Variants in CFAP221 observed in about 807,000 individuals in gnomAD.
The protein encoded by CFAP221 is cilia- and flagella-associated protein 221.
Under a neutral mutation model 113.1 loss-of-function variants are expected in CFAP221, and 97 were observed. The ratio of observed to expected loss-of-function variants is 0.86; its 90% CI spans 0.73 to 1.02. The LOEUF is 1.02. Ranked by LOEUF, CFAP221 falls within the 50% of genes least tolerant of loss-of-function variation. CFAP221 has a pLI of 0.00. For missense variants in CFAP221, 1,025 were observed against 1,013.4 expected (o/e 1.01, Z -0.16); for synonymous variants, 331 against 354.4 (o/e 0.93, Z 0.74).
intron 6 of CFAP221, among the ~76,000 whole-genome samples, chr2:119,574,466 A>C (rs1475608930): frequency 6.6e-6 from 1 of 152,220 alleles, no homozygotes; most frequent in Non-Finnish European, 1.5e-5. Flanking sequence ...AATATAACAT[A>C]GGGAATTTCA....
chr2:119,583,834 C>G (rs185439273), intron 6 of CFAP221, among the ~76,000 whole-genome samples: 2 of 152,272 alleles, frequency 1.3e-5, no homozygotes, highest in East Asian at 3.9e-4. Flanking sequence ...TTCCATTATG[C>G]GAAGACACAG....
chr2:119,657,536 G>A (rs1358530514), downstream of CFAP221, among the ~76,000 whole-genome samples: 2 of 152,152 alleles, frequency 1.3e-5, no homozygotes, highest in African/African-American at 4.8e-5. Flanking sequence ...TAAACTAAAG[G>A]AAAACTTGCA....
intron 19 of CFAP221, 184 bp downstream of exon 19, chr2:119,631,085 T>G: frequency 7.8e-7 from 1 of 1,288,228 alleles, no homozygotes; most frequent in Non-Finnish European, 9.9e-7. Flanking sequence ...ATTCCGTCTT[T>G]TAGCAATTCC....
chr2:119,551,160 G>A (rs1680393389), intron 3 of CFAP221, among the ~76,000 whole-genome samples: 2 of 152,200 alleles, frequency 1.3e-5, no homozygotes, highest in Admixed American at 1.3e-4. Flanking sequence ...ATCAGCTGAT[G>A]GATGTTGGAT....
intron 6 of CFAP221, among the ~76,000 whole-genome samples, chr2:119,567,797 T>C (rs1681755774): frequency 6.6e-6 from 1 of 152,236 alleles, no homozygotes; most frequent in African/African-American, 2.4e-5. Flanking sequence ...ATAGTTCTAT[T>C]AATATCTAGC....
intron 6 of CFAP221, among the ~76,000 whole-genome samples, chr2:119,581,842 A>T (rs532199095): frequency 1.3e-5 from 2 of 152,294 alleles, no homozygotes; most frequent in African/African-American, 4.8e-5. Flanking sequence ...AGGCAGGAGA[A>T]TCACTTGAAC....
chr2:119,587,229 A>G lies in CFAP221; in HGVS notation c.631+7A>G. On this transcript the variant is annotated splice_region_variant and intron_variant, in intron 7 of 23. Coordinates refer to ENST00000413369, the MANE Select transcript of CFAP221 (RefSeq NM_001271049.2). ...GCTATTGAGCCAACATCAGGTAAGG[A>G]GTGTCAAGATTTCAAGTTCTAAAAA... 6.7e-7 allele frequency: 1 copy of G among 1,484,456 alleles called. No individual in the cohort carries two copies. Among genetic ancestry groups the G allele is most frequent in the East Asian group, 2.5e-5 (1 of 40,298 alleles). The allele number at this position is 1,484,456 out of a possible 1,614,324, so 92.0% of individuals were successfully genotyped here.
intron 6 of CFAP221, among the ~76,000 whole-genome samples, chr2:119,570,139 G>A (rs1485154631): frequency 3.3e-5 from 5 of 152,140 alleles, no homozygotes; most frequent in Non-Finnish European, 7.4e-5. Context: ...ACAGCAGGAG[G>A]GTATTCTACA....
At chr2:119,607,349 G>A (rs2104685588) in intron 11 of CFAP221, among the ~76,000 whole-genome samples, 1 of 152,206 alleles carries the variant, frequency 6.6e-6, no homozygotes, top group Non-Finnish European at 1.5e-5. Context: ...TCCAGTCAAA[G>A]ATCATACCAT....
intron 5 of CFAP221, among the ~76,000 whole-genome samples, chr2:119,561,153 A>G (rs1001106436): frequency 1.3e-4 from 20 of 152,106 alleles, no homozygotes; most frequent in African/African-American, 4.6e-4. Context: ...AGCCAGGCCT[A>G]GTGGCATGCA....
chr2:119,615,777 TG>T, intron 14 of CFAP221, 68 bp downstream of exon 14: 6 of 1,229,884 alleles, frequency 4.9e-6, no homozygotes, highest in South Asian at 1.4e-5. Flanking sequence ...CAAGCAATGG[TG>T]GTTTGATAAC....
rs1574230052 is a variant in CFAP221, at chr2:119,646,764, C to A, written c.2226-194C>A. On this transcript the variant is annotated intron_variant, in intron 21 of 23. Coordinates refer to ENST00000413369, the MANE Select transcript of CFAP221 (RefSeq NM_001271049.2). The stretch of plus-strand genomic sequence containing the variant: ...AAGTGTCTTACTTGGCAACATTCTC[C>A]CAGGTTTGCCTGGGGCCTATTGCAT... 3.3e-5 allele frequency among the ~76,000 whole-genome samples: 5 copies of A among 152,296 alleles called. No individual in the cohort carries two copies. The South Asian group carries it at 1.0e-3, about 32-fold the overall frequency.
chr2:119,634,635 C>G (rs1362280436), intron 19 of CFAP221, among the ~76,000 whole-genome samples: 1 of 152,030 alleles, frequency 6.6e-6, no homozygotes, highest in Admixed American at 6.5e-5. Flanking sequence ...TACTATTCAG[C>G]CTTAAAAAAG....
At chr2:119,655,387 T>C (rs1688370545) in intron 23 of CFAP221, among the ~76,000 whole-genome samples, 1 of 152,214 alleles carries the variant, frequency 6.6e-6, no homozygotes, top group African/African-American at 2.4e-5. Flanking sequence ...TTTTTAGACA[T>C]GATTCCATAA....
chr2:119,600,495 G>A (rs1378705879), intron 7 of CFAP221, among the ~76,000 whole-genome samples: 1 of 152,214 alleles, frequency 6.6e-6, no homozygotes, highest in African/African-American at 2.4e-5. Flanking sequence ...GCAGATTGAT[G>A]TGTATATATT....
In CFAP221 at chr2:119,630,865, A is replaced by C; in HGVS notation, c.1938A>C (p.Leu646Phe). The C allele has an allele frequency of 6.2e-7, 1 of 1,613,696 alleles. No homozygotes were observed. Among genetic ancestry groups the C allele is most frequent in the South Asian group, 1.1e-5 (1 of 91,070 alleles). Residue 646 changes from leucine (L) to phenylalanine (F), a missense_variant, in exon 19 of 24, where the codon TTA (leucine) becomes TTC (phenylalanine). Transcript: ENST00000413369. ...TGAGCATGAAACCACCTGAGGCCTT[A>C]GCCATGTCTCTAGATTATGATCCTC... is the stretch of plus-strand genomic sequence containing the variant. ...SVLSMKPPEA[L>F]AMSLDYDPLY...
chr2:119,547,490 C>T (rs993166924), intron 2 of CFAP221, among the ~76,000 whole-genome samples: 9 of 151,980 alleles, frequency 5.9e-5, no homozygotes, highest in South Asian at 2.1e-4. Context: ...ACCCAGGAGG[C>T]GGAGGTTGCA....
intron 7 of CFAP221, among the ~76,000 whole-genome samples, chr2:119,592,095 A>T (rs1200261561): frequency 2.0e-5 from 3 of 152,176 alleles, no homozygotes; most frequent in Non-Finnish European, 4.4e-5. Flanking sequence ...TATCATGAAC[A>T]TTTATCCCTG....
intron 5 of CFAP221, among the ~76,000 whole-genome samples, chr2:119,561,016 C>T (rs925740828): frequency 6.6e-6 from 1 of 151,972 alleles, no homozygotes. Flanking sequence ...TGGCCAGGCG[C>T]GATGGCTCAT....
Sources: allele counts gnomAD v4.1 joint callset (sites outside exome capture counted in the v4.1 genomes callset), GRCh38; gene constraint gnomAD v4.1.1; transcripts MANE v1.5; gene names NCBI Gene and HGNC (gene_info 2026-07-23, HGNC 2026-07-21).